Variants in ULK4 observed in about 807,000 individuals in gnomAD.
ULK4 encodes unc-51 like kinase 4, also known as inactive serine/threonine-protein kinase ULK4.
ULK4 carries 133 observed loss-of-function variants against 160.6 expected under a neutral mutation model. The ratio of observed to expected loss-of-function variants is 0.83; its 90% CI spans 0.72 to 0.96. The LOEUF (loss-of-function observed/expected upper bound fraction) is 0.96. Among genes scored for constraint, ULK4 ranks in the 40% least tolerant of loss-of-function variants. ULK4 has a pLI of 0.00. For missense variants in ULK4, 1,580 were observed against 1,499.5 expected, an observed-to-expected ratio of 1.05 and a Z score of -0.89; for synonymous variants, 534 against 539.8, an observed-to-expected ratio of 0.99 and a Z score of 0.15.
intron 30 of ULK4, among the ~76,000 whole-genome samples, chr3:41,660,660 A>G (rs144261784): frequency 6.6e-6 from 1 of 152,262 alleles, no homozygotes; most frequent in East Asian, 1.9e-4. Flanking sequence ...AGTAAGGGGG[A>G]CAATAATTGG....
intron 17 of ULK4, chr3:41,854,975 A>T (rs996799032): frequency 2.8e-5 from 4 of 143,470 alleles, no homozygotes; most frequent in Non-Finnish European, 3.0e-5. Flanking sequence ...AAAAAAAAAA[A>T]CTATCGGGAT....
chr3:41,458,651 C>A lies in ULK4; in HGVS notation c.3394-3056G>T, dbSNP rs533574937. Among the ~76,000 whole-genome samples, 3 of 152,170 alleles carry A rather than the reference C, an allele frequency of 2.0e-5. No individual in the cohort carries two copies. In the East Asian group the frequency reaches 5.8e-4, roughly 29 times the overall value. On this transcript the variant is annotated intron_variant, in intron 33 of 36. Coordinates refer to ENST00000301831, the MANE Select transcript of ULK4 (RefSeq NM_017886.4). ...TTCTCTTACATCTAGCATTGCTACA[C>A]AAATCTAGCACACAGAAGTAGGTAA...
At chr3:41,821,833 AAAAT>A (rs1162040530) in intron 18 of ULK4, among the ~76,000 whole-genome samples, 1 of 152,220 alleles carries the variant, frequency 6.6e-6, no homozygotes, top group African/African-American at 2.4e-5. Flanking sequence ...CATAACAGGA[AAAAT>A]AAATAAATAT....
chr3:41,298,570 T>A (rs2125708868), intron 35 of ULK4, among the ~76,000 whole-genome samples: 1 of 152,344 alleles, frequency 6.6e-6, no homozygotes. Context: ...AATACAGGTC[T>A]CAGCTACCAT....
At chr3:41,326,366 C>A (rs2080338287) in intron 35 of ULK4, among the ~76,000 whole-genome samples, 1 of 152,074 alleles carries the variant, frequency 6.6e-6, no homozygotes, top group Non-Finnish European at 1.5e-5. Context: ...CCGCTACAAT[C>A]CCCAGTTCTC....
At chr3:41,569,810 T>C (rs1442712772) in intron 31 of ULK4, among the ~76,000 whole-genome samples, 2 of 152,028 alleles carry the variant, frequency 1.3e-5, no homozygotes, top group Non-Finnish European at 2.9e-5. Flanking sequence ...AGTTAGTCAT[T>C]ATGAATGACT....
intron 21 of ULK4, among the ~76,000 whole-genome samples, chr3:41,776,313 T>A (rs1215475190): frequency 1.3e-5 from 2 of 150,872 alleles, no homozygotes; most frequent in Non-Finnish European, 2.9e-5. Flanking sequence ...CTATTTTTCA[T>A]ATCCTGGATA....
At chr3:41,287,530 G>T (rs1371786618) in intron 35 of ULK4, among the ~76,000 whole-genome samples, 1 of 152,152 alleles carries the variant, frequency 6.6e-6, no homozygotes, top group Non-Finnish European at 1.5e-5. Flanking sequence ...GGCCCCCATG[G>T]GATGAAATTT....
intron 17 of ULK4, among the ~76,000 whole-genome samples, chr3:41,858,509 A>ATTT (rs552326948): frequency 8.0e-6 from 1 of 124,508 alleles, no homozygotes; most frequent in Non-Finnish European, 1.7e-5. Context: ...AAATTTTTCA[A>ATTT]TTTTTTTTTT....
At chr3:41,387,082 T>C (rs1034289104) in intron 35 of ULK4, among the ~76,000 whole-genome samples, 2 of 152,148 alleles carry the variant, frequency 1.3e-5, no homozygotes, top group African/African-American at 4.8e-5. Context: ...TATATTTCTT[T>C]TTTTGATAGA....
intron 31 of ULK4, among the ~76,000 whole-genome samples, chr3:41,575,064 C>T (rs550618118): frequency 6.6e-6 from 1 of 152,278 alleles, no homozygotes; most frequent in South Asian, 2.1e-4. Flanking sequence ...TGTTGTTACT[C>T]CAGTGCTTTC....
chr3:41,826,896 C>T (rs2041377769), intron 18 of ULK4, among the ~76,000 whole-genome samples: 1 of 142,822 alleles, frequency 7.0e-6, no homozygotes, highest in Admixed American at 6.8e-5. Context: ...CAAAAGTGAC[C>T]ACATAGTTGG....
intron 31 of ULK4, among the ~76,000 whole-genome samples, chr3:41,596,343 AT>A (rs1399816276): frequency 6.6e-6 from 1 of 152,128 alleles, no homozygotes; most frequent in African/African-American, 2.4e-5. Context: ...GGAGATTTTA[AT>A]TTTTCAGGTG....
At chr3:41,922,199 A>C (rs533218184) in intron 5 of ULK4, among the ~76,000 whole-genome samples, 1 of 152,198 alleles carries the variant, frequency 6.6e-6, no homozygotes, top group African/African-American at 2.4e-5. Context: ...AAAATAAAAT[A>C]AGAAAGGGTT....
intron 1 of ULK4, among the ~76,000 whole-genome samples, chr3:41,960,473 G>A (rs1483051647): frequency 6.7e-6 from 1 of 150,130 alleles, no homozygotes; most frequent in African/African-American, 2.5e-5. Flanking sequence ...AACGATTCTC[G>A]TGCCTCAGCC....
At chr3:41,907,246 G>T (rs998513844) in intron 12 of ULK4, among the ~76,000 whole-genome samples, 3 of 152,032 alleles carry the variant, frequency 2.0e-5, no homozygotes, top group Non-Finnish European at 2.9e-5. Flanking sequence ...AAACTGTGGT[G>T]ATAGTTGCAC....
intron 27 of ULK4, among the ~76,000 whole-genome samples, chr3:41,689,636 G>T (rs1415134342): frequency 6.6e-6 from 1 of 152,184 alleles, no homozygotes; most frequent in East Asian, 1.9e-4. Context: ...CAAAGGACAT[G>T]AATACACACT....
chr3:41,670,923 C>T (rs927534066), intron 29 of ULK4, among the ~76,000 whole-genome samples: 1 of 152,022 alleles, frequency 6.6e-6, no homozygotes, highest in African/African-American at 2.4e-5. Context: ...TCCCAGTTTA[C>T]ATTTCGGTAG....
chr3:41,905,895 T>C lies in ULK4; in HGVS notation c.1182+1950A>G, dbSNP rs572611997. Among the ~76,000 whole-genome samples, 6 of 151,998 alleles carry C rather than the reference T, an allele frequency of 3.9e-5. No individual in the cohort carries two copies. In the South Asian group the frequency reaches 1.2e-3, roughly 32 times the overall value. On this transcript the variant is annotated intron_variant, in intron 12 of 36. Coordinates refer to ENST00000301831, the MANE Select transcript of ULK4 (RefSeq NM_017886.4). Reference sequence around the variant, plus strand: ...TTCCAGACTAGCCTGGCCAACATGGTGAAACCTGTCTCTACTAAAAATACA... The same window carrying C: ...TTCCAGACTAGCCTGGCCAACATGGCGAAACCTGTCTCTACTAAAAATACA...
Sources: gnomAD v4.1 joint callset for allele counts (sites outside exome capture counted in the v4.1 genomes callset) on GRCh38, gnomAD v4.1.1 for gene constraint, MANE v1.5 for transcripts, NCBI Gene and HGNC (gene_info 2026-07-23, HGNC 2026-07-21) for gene names.